Variants in PREPL observed in about 807,000 individuals in gnomAD.
PREPL encodes the protein prolyl endopeptidase-like.
In PREPL, 77 loss-of-function variants were observed where a neutral mutation model predicts 70.6. That is an observed-to-expected ratio of 1.09 (90% CI 0.91 to 1.32). PREPL has a LOEUF of 1.32. PREPL is among the 40% of genes most tolerant of loss of function. PREPL has a pLI of 0.00. For synonymous variants in PREPL, 315 were observed against 264.8 expected (o/e 1.19, Z -1.84); for missense variants, 1,002 against 778.2 (o/e 1.29, Z -3.42).
In PREPL at chr2:44,318,952, C is replaced by A. The variant is rs991748953; in HGVS notation, c.*2404G>T. On this transcript the variant is annotated 3_prime_UTR_variant, in exon 14 of 14. Transcript: ENST00000409411. ...AATCTGCAATTACAGAAAAAGACTTCAACATACTTTTAGAAAGTAGTAACT... is the reference window on the plus strand; with the variant it reads ...AATCTGCAATTACAGAAAAAGACTTAAACATACTTTTAGAAAGTAGTAACT... The A allele has an allele frequency of 1.3e-5, 2 of 152,146 alleles. No homozygotes were observed. The highest frequency in any genetic ancestry group is 4.8e-5 in the African/African-American group (2 of 41,432). The allele number at this position is 152,146 out of a possible 1,614,324, so 9.4% of individuals were successfully genotyped here.
chr2:44,342,545 T>C lies in PREPL; in HGVS notation c.357A>G (p.Val119=). 1 of 1,575,750 alleles carries C rather than the reference T, an allele frequency of 6.3e-7. No individual in the cohort carries two copies. Among genetic ancestry groups the C allele is most frequent in the Non-Finnish European group, 8.6e-7 (1 of 1,161,542 alleles). The change falls in exon 5 of 14, where the codon GTA becomes GTG. Residue 119 remains valine (V), a synonymous_variant. Coordinates refer to ENST00000409411, the MANE Select transcript of PREPL (RefSeq NM_001171613.2). ...SFPNVSSFEW[V]KDEEDEDVLF... ...AAACATCTTCATCTTCCTCGTCCTT[T>C]ACCCATTCTGAAAGAAAATAATGAG...
Position 44,338,425 on chromosome 2 carries a change from G to C in PREPL, c.814C>G (p.Leu272Val), listed in dbSNP as rs1209850032. ...AGGAGATTGCTGTGCTTCAGAAATA[G>C]AACACAGTGATCCTTAAACATGTCC... ...DLDMFKDHCVLFLKHSNLLYV... is the reference protein window; with the variant it reads ...DLDMFKDHCVVFLKHSNLLYV... Residue 272 changes from leucine to valine, a missense_variant, in exon 7 of 14, where the codon CTA (leucine) becomes GTA (valine). Physicochemically the swap from Leu to Val is conservative, Grantham distance 32. Transcript: ENST00000409411. The C allele has an allele frequency of 3.1e-6, 5 of 1,613,268 alleles. No homozygotes were observed. The highest frequency in any genetic ancestry group is 4.2e-6 in the Non-Finnish European group (5 of 1,179,738).
At chr2:44,340,905 G>C (rs1266860134) in intron 5 of PREPL, among the ~76,000 whole-genome samples, 1 of 148,368 alleles carries the variant, frequency 6.7e-6, no homozygotes, top group Non-Finnish European at 1.5e-5. Flanking sequence ...TCCAGTCTGG[G>C]TGACAGAGTG....
In PREPL at chr2:44,339,367, G is replaced by A; in HGVS notation, c.486-4C>T. 9.4e-7 allele frequency: 1 copy of A among 1,061,622 alleles called. No individual in the cohort carries two copies. The highest frequency in any genetic ancestry group is 1.3e-6 in the Non-Finnish European group (1 of 794,610). The allele number at this position is 1,061,622 out of a possible 1,614,324, so 65.8% of individuals were successfully genotyped here. ...AAGATAAAGGAAAACAAAGTAGCTA[G>A]AGAGAGAGAGAGAGACATGAGATCA... On this transcript the variant is annotated splice_region_variant and splice_polypyrimidine_tract_variant and intron_variant, in intron 5 of 13. Coordinates refer to ENST00000409411, the MANE Select transcript of PREPL (RefSeq NM_001171613.2).
intron 10 of PREPL, among the ~76,000 whole-genome samples, chr2:44,325,996 A>C (rs1201115136): frequency 1.3e-5 from 2 of 152,210 alleles, no homozygotes; most frequent in African/African-American, 2.4e-5. Context: ...GACTATCTAA[A>C]AATAAAGAGC....
Position 44,321,401 on chromosome 2 carries a change from G to A in PREPL, c.1872C>T (p.Asp624=), listed in dbSNP as rs1359281085. ...TAAGATCCTCGAAAACACTGGTGCT[G>A]TCAAGTCCAAGTTCCTCGTACAGGA... ...IKFLYEELGL[D]STSVFEDLKK... Residue 624 remains aspartate (D), a synonymous_variant, in exon 14 of 14, where the codon GAC becomes GAT. Transcript: ENST00000409411. The A allele has an allele frequency of 2.5e-6, 4 of 1,613,018 alleles. No individual in the cohort carries two copies. The highest frequency in any genetic ancestry group is 1.7e-5 in the Admixed American group (1 of 59,984).
At chr2:44,350,414 T>TA (rs1229819384) in intron 1 of PREPL, among the ~76,000 whole-genome samples, 2 of 152,118 alleles carry the variant, frequency 1.3e-5, no homozygotes, top group African/African-American at 2.4e-5. Flanking sequence ...GATAAAACCT[T>TA]AAATTAGGAA....
intron 7 of PREPL, among the ~76,000 whole-genome samples, chr2:44,335,132 T>C (rs1445514057): frequency 6.6e-6 from 1 of 152,132 alleles, no homozygotes; most frequent in South Asian, 2.1e-4. Context: ...AAAGTCGTAA[T>C]AGGTACTATC....
intron 1 of PREPL, among the ~76,000 whole-genome samples, chr2:44,361,118 T>A (rs145868444): frequency 2.0e-5 from 3 of 152,244 alleles, no homozygotes; most frequent in Non-Finnish European, 2.9e-5. Context: ...CCATCTTTCA[T>A]CCCCAAGAAG....
At position 44,320,364 on chromosome 2, in the gene PREPL, G is replaced by A. The variant is rs768891789; in HGVS notation, c.*992C>T. 1.7e-5 allele frequency: 28 copies of A among 1,613,920 alleles called. No homozygotes were observed. The African/African-American group carries it at 2.3e-4, about 13-fold the overall frequency. On this transcript the variant is annotated 3_prime_UTR_variant, in exon 14 of 14. Coordinates refer to ENST00000409411, the MANE Select transcript of PREPL (RefSeq NM_001171613.2). ...GGATGGCATCGACAGAATCTTTATC[G>A]TGGTTCTGAATTTTGGAGAATCAAC...
At chr2:44,343,640 G>C (rs1335877766) in intron 4 of PREPL, 105 bp downstream of exon 4, 2 of 974,402 alleles carry the variant, frequency 2.1e-6, no homozygotes, top group East Asian at 2.4e-5. Flanking sequence ...AGGGATACAT[G>C]AATCAGGCAT....
rs1483507046 is a variant in PREPL at position 44,343,890 on chromosome 2, G to A, written c.204C>T (p.Phe68=). The change falls in exon 4 of 14, where the codon TTC becomes TTT. Residue 68 remains phenylalanine, a synonymous_variant. Transcript: ENST00000409411. ...CTGGAGCAACTCTGATACAATCAAT[G>A]AAGGGCTGGTCTAACTTAAGTTCCT... is the stretch of plus-strand genomic sequence containing the variant. The part of the protein sequence containing the change: ...NLEELKLDQP[F]IDCIRVAPDE... 1.9e-6 allele frequency: 3 copies of A among 1,613,956 alleles called. No homozygotes were observed. The highest frequency in any genetic ancestry group is 2.2e-5 in the East Asian group (1 of 44,888).
chr2:44,342,165 T>A (rs894658931), intron 5 of PREPL, among the ~76,000 whole-genome samples: 1 of 152,206 alleles, frequency 6.6e-6, no homozygotes, highest in African/African-American at 2.4e-5. Flanking sequence ...TTTACATGAA[T>A]GAACTATGTT....
chr2:44,353,518 G>C (rs1380399172), intron 1 of PREPL, among the ~76,000 whole-genome samples: 1 of 151,882 alleles, frequency 6.6e-6, no homozygotes, highest in East Asian at 1.9e-4. Flanking sequence ...AATCTGGGAG[G>C]CAGAGGTTGC....
At position 44,321,030 on chromosome 2, in the gene PREPL, C is replaced by T; in HGVS notation, c.*326G>A. ...CATTTGCTAGCAAAGAGGCAGGACA[C>T]TAATTTGTAAACTGCTCAACTGTTC... On this transcript the variant is annotated 3_prime_UTR_variant, in exon 14 of 14. Transcript: ENST00000409411. 1 of 390,536 alleles carries T rather than the reference C, an allele frequency of 2.6e-6. No individual in the cohort carries two copies. Among genetic ancestry groups the T allele is most frequent in the South Asian group, 2.9e-5 (1 of 34,930 alleles). The allele number at this position is 390,536 out of a possible 1,614,324, so 24.2% of individuals were successfully genotyped here.
rs1664972509 is a variant in PREPL, at chr2:44,319,957, A to G, written c.*1399T>C. The G allele has an allele frequency of 4.0e-6, 2 of 494,534 alleles. No homozygotes were observed. Among genetic ancestry groups the G allele is most frequent in the African/African-American group, 3.9e-5 (2 of 51,668 alleles). 30.6% of individuals were successfully genotyped at this position (494,534 alleles called of 1,614,324 possible). On this transcript the variant is annotated 3_prime_UTR_variant, in exon 14 of 14. Coordinates refer to ENST00000409411, the MANE Select transcript of PREPL (RefSeq NM_001171613.2). ...ATTTGATCTCTACAGAAACTCTACA[A>G]TGTAGCAGAGCACTGTGCGTACTTA...
chr2:44,354,694 C>T (rs1428843606), intron 1 of PREPL, among the ~76,000 whole-genome samples: 3 of 152,132 alleles, frequency 2.0e-5, no homozygotes, highest in South Asian at 2.1e-4. Flanking sequence ...CCTTCCTCAG[C>T]GTCCCGAGTA....
chr2:44,335,723 C>G (rs192293210), intron 7 of PREPL, among the ~76,000 whole-genome samples: 35 of 150,324 alleles, frequency 2.3e-4, no homozygotes, highest in African/African-American at 8.3e-4. Flanking sequence ...TCCTGCACAG[C>G]AAAATAAACT....
At chr2:44,351,088 AAT>A (rs1491569565) in intron 1 of PREPL, among the ~76,000 whole-genome samples, 142 of 139,090 alleles carry the variant, frequency 1.0e-3, no homozygotes, top group African/African-American at 4.1e-3. Flanking sequence ...CACGCTGGCT[AAT>A]TTTTTTTTTT....
Sources: allele counts gnomAD v4.1 joint callset (sites outside exome capture counted in the v4.1 genomes callset), GRCh38; gene constraint gnomAD v4.1.1; transcripts MANE v1.5; gene names NCBI Gene and HGNC (gene_info 2026-07-23, HGNC 2026-07-21).